ZNF350: variants seen among roughly 807,000 people sequenced by gnomAD.
The protein encoded by ZNF350 is KRAB zinc finger protein ZFQR.
In ZNF350, 5 loss-of-function variants were observed where a neutral mutation model predicts 13.1. That is an observed-to-expected ratio of 0.38 (90% CI 0.20 to 0.80). The LOEUF (loss-of-function observed/expected upper bound fraction) is 0.80, where lower values mean the gene tolerates loss of function less well. Ranked by LOEUF, ZNF350 falls within the 30% of genes least tolerant of loss-of-function variation. The pLI is 0.43. For synonymous variants in ZNF350, 199 were observed against 224.2 expected, an observed-to-expected ratio of 0.89 and a Z score of 1.00; for missense variants, 534 against 644.2, an observed-to-expected ratio of 0.83 and a Z score of 1.85.
In ZNF350 at chr19:51,964,754, T is replaced by C; in HGVS notation, c.*100A>G. 4 of 1,356,512 alleles carry C rather than the reference T, an allele frequency of 2.9e-6. No individual in the cohort carries two copies. Among genetic ancestry groups the C allele is most frequent in the Non-Finnish European group, 4.0e-6 (4 of 995,100 alleles). The allele number at this position is 1,356,512 out of a possible 1,614,324, so 84.0% of individuals were successfully genotyped here. On this transcript the variant is annotated 3_prime_UTR_variant, in exon 5 of 5. Coordinates refer to ENST00000243644, the MANE Select transcript of ZNF350 (RefSeq NM_021632.4). ...TTAATAGGATGAGTTTATCAGGCTA[T>C]CTCAGCCTTATACATGTTCTCTCAG...
intron 1 of ZNF350, among the ~76,000 whole-genome samples, chr19:51,978,193 A>G (rs1358335005): frequency 6.6e-6 from 1 of 152,200 alleles, no homozygotes; most frequent in East Asian, 1.9e-4. Context: ...ACCCCACTTC[A>G]GGGATGGGTT....
chr19:51,985,205 A>C (rs923975584), intron 1 of ZNF350, among the ~76,000 whole-genome samples: 1 of 152,124 alleles, frequency 6.6e-6, no homozygotes, highest in African/African-American at 2.4e-5. Context: ...CAACCATACC[A>C]AACAGTTTAC....
At chr19:51,968,372 C>A (rs895843773) in intron 4 of ZNF350, 11 of 576,310 alleles carry the variant, frequency 1.9e-5, no homozygotes, top group Admixed American at 9.4e-5. Context: ...ATAAAATAAT[C>A]AGATCTCTGA....
At position 51,965,592 on chromosome 19, in the gene ZNF350, C is replaced by A; in HGVS notation, c.861G>T (p.Glu287Asp). 1 of 1,614,202 alleles carries A rather than the reference C, an allele frequency of 6.2e-7. No homozygotes were observed. Among genetic ancestry groups the A allele is most frequent in the Non-Finnish European group, 8.5e-7 (1 of 1,180,036 alleles). Reference protein sequence around the residue: ...LNIHQKTHTGEKPYICSECGK... With the variant: ...LNIHQKTHTGDKPYICSECGK... ...CACATTCACTGCATATATAGGGTTT[C>A]TCTCCGGTATGTGTTTTCTGATGTA... is the stretch of plus-strand genomic sequence containing the variant. The change falls in exon 5 of 5, where the codon GAG becomes GAT. Residue 287 changes from glutamate (E) to aspartate (D), a missense_variant. Coordinates refer to ENST00000243644, the MANE Select transcript of ZNF350 (RefSeq NM_021632.4).
At chr19:51,978,769 A>G (rs2085960178) in intron 1 of ZNF350, among the ~76,000 whole-genome samples, 1 of 152,166 alleles carries the variant, frequency 6.6e-6, no homozygotes, top group Non-Finnish European at 1.5e-5. Flanking sequence ...ACCTCAATCA[A>G]AACTACATTT....
rs573446364 is a variant in ZNF350, at chr19:51,969,046, C to T, written c.101G>A (p.Arg34Gln). Residue 34 changes from arginine to glutamine, a missense_variant, in exon 3 of 5, where the codon CGG (arginine) becomes CAG (glutamine). Physicochemically the swap from Arg to Gln is conservative, Grantham distance 43 (BLOSUM62 1). Transcript: ENST00000243644. ...GCTGTAGTTCTCCAACATCACATCCCGGTACAGGTCCTTCTGAGCAGCGCC... is the reference window on the plus strand; with the variant it reads ...GCTGTAGTTCTCCAACATCACATCCTGGTACAGGTCCTTCTGAGCAGCGCC... Reference protein sequence around the residue: ...LLGAAQKDLYRDVMLENYSNL... With the variant: ...LLGAAQKDLYQDVMLENYSNL... The T allele has an allele frequency of 4.5e-5, 72 of 1,614,112 alleles. 1 individual carries two copies. The South Asian group carries it at 5.8e-4, about 13-fold the overall frequency.
At chr19:51,970,913 C>T (rs554265902) in intron 2 of ZNF350, among the ~76,000 whole-genome samples, 1 of 152,268 alleles carries the variant, frequency 6.6e-6, no homozygotes, top group South Asian at 2.1e-4. Context: ...CTGACTGCTC[C>T]ACAGAAATCA....
At chr19:51,980,511 T>G (rs1029515775) in intron 1 of ZNF350, among the ~76,000 whole-genome samples, 6 of 152,200 alleles carry the variant, frequency 3.9e-5, no homozygotes, top group Non-Finnish European at 8.8e-5. Flanking sequence ...TACTTCAGAA[T>G]AAAATTAACA....
At chr19:51,974,630 A>G (rs534452934) in intron 1 of ZNF350, 99 bp from the exon 2 acceptor site, 26 of 393,096 alleles carry the variant, frequency 6.6e-5, no homozygotes, top group Non-Finnish European at 1.0e-4. Context: ...AATGCCCCCA[A>G]TATAGTTAAC....
chr19:51,979,676 A>G (rs960970454), intron 1 of ZNF350, among the ~76,000 whole-genome samples: 1 of 152,138 alleles, frequency 6.6e-6, no homozygotes, highest in Non-Finnish European at 1.5e-5. Context: ...AATAGTTCCT[A>G]CCCCACTCTG....
In ZNF350 at chr19:51,965,050, G is replaced by A; in HGVS notation, c.1403C>T (p.Ala468Val). The change falls in exon 5 of 5, where the codon GCC becomes GTC. Residue 468 changes from alanine to valine, a missense_variant. Transcript: ENST00000243644. Reference protein sequence around the residue: ...NGATTQVPSVAPQTSLNISGL... With the variant: ...NGATTQVPSVVPQTSLNISGL... Reference sequence around the variant, plus strand: ...GCTGATGTTTAATGATGTCTGAGGGGCCACAGAAGGCACTTGTGTAGTCGC... The same window carrying A: ...GCTGATGTTTAATGATGTCTGAGGGACCACAGAAGGCACTTGTGTAGTCGC... The A allele has an allele frequency of 6.2e-7, 1 of 1,614,138 alleles. No individual in the cohort carries two copies. Among genetic ancestry groups the A allele is most frequent in the Non-Finnish European group, 8.5e-7 (1 of 1,180,014 alleles).
Position 51,964,773 on chromosome 19 carries a change from C to T in ZNF350, c.*81G>A. 6.8e-7 allele frequency: 1 copy of T among 1,464,886 alleles called. No individual in the cohort carries two copies. The highest frequency in any genetic ancestry group is 9.2e-7 in the Non-Finnish European group (1 of 1,081,418). The allele number at this position is 1,464,886 out of a possible 1,614,324, so 90.7% of individuals were successfully genotyped here. ...AGGCTATCTCAGCCTTATACATGTT[C>T]TCTCAGTGTATGCTTTTCGGCCACA... On this transcript the variant is annotated 3_prime_UTR_variant, in exon 5 of 5. Coordinates refer to ENST00000243644, the MANE Select transcript of ZNF350 (RefSeq NM_021632.4).
intron 2 of ZNF350, among the ~76,000 whole-genome samples, chr19:51,970,265 G>C (rs1017156365): frequency 6.6e-6 from 1 of 151,982 alleles, no homozygotes; most frequent in Admixed American, 6.6e-5. Context: ...GTTTCACTAT[G>C]TTGGCCAGGC....
At chr19:51,968,456 C>A (rs530874916) in intron 4 of ZNF350, 122 bp downstream of exon 4, 3 of 858,242 alleles carry the variant, frequency 3.5e-6, no homozygotes, top group Non-Finnish European at 5.9e-6. Flanking sequence ...TGGTCTCACA[C>A]TGGGAGACAG....
chr19:51,979,133 G>A (rs952844999), intron 1 of ZNF350, among the ~76,000 whole-genome samples: 6 of 152,144 alleles, frequency 3.9e-5, no homozygotes, highest in Non-Finnish European at 8.8e-5. Flanking sequence ...CCAGAGTCAT[G>A]ATGACATCAA....
At chr19:51,986,301 C>A (rs1236944614) in intron 1 of ZNF350, among the ~76,000 whole-genome samples, 2 of 152,116 alleles carry the variant, frequency 1.3e-5, no homozygotes, top group Non-Finnish European at 2.9e-5. Flanking sequence ...TCCAAAGTCT[C>A]GAAAGCTTCA....
rs968301207 is a variant in ZNF350, at chr19:51,974,431, G to A, written c.-71C>T. 1.3e-6 allele frequency: 2 copies of A among 1,573,406 alleles called. No homozygotes were observed. Among genetic ancestry groups the A allele is most frequent in the Admixed American group, 3.5e-5 (2 of 56,984 alleles). ...TTTGTATCTTCTGGCCTTCTCTTCA[G>A]AAGTCTCAGTTTTCAATCAAGTGTG... On this transcript the variant is annotated 5_prime_UTR_variant, in exon 2 of 5. Transcript: ENST00000243644.
intron 1 of ZNF350, among the ~76,000 whole-genome samples, chr19:51,986,230 G>A (rs1437571746): frequency 6.6e-6 from 1 of 151,936 alleles, no homozygotes; most frequent in African/African-American, 2.4e-5. Flanking sequence ...ACTAATGCTG[G>A]GGGCTGTGTC....
At position 51,968,620 on chromosome 19, in the gene ZNF350, GTT is replaced by G; in HGVS notation, c.194_195del (p.Gln65ProfsTer5). On this transcript the variant is annotated frameshift_variant, in exon 4 of 5. Coordinates refer to ENST00000243644, the MANE Select transcript of ZNF350 (RefSeq NM_021632.4). LOFTEE classifies it low-confidence loss of function (END_TRUNC). The part of the protein sequence containing the change: ...DALFKLEQGE[Q>X]LWTIEDGIHS... Reference sequence around the variant, plus strand: ...TGGATTCCATCTTCAATTGTCCACAGTTGTTCTCCTTGTTCCAACTTGAAGAG... The same window carrying G: ...TGGATTCCATCTTCAATTGTCCACAGGTTCTCCTTGTTCCAACTTGAAGAG... 6.2e-7 allele frequency: 1 copy of G among 1,614,094 alleles called. No homozygotes were observed. Among genetic ancestry groups the G allele is most frequent in the East Asian group, 2.2e-5 (1 of 44,866 alleles).
Sources: gnomAD v4.1 joint callset for allele counts (sites outside exome capture counted in the v4.1 genomes callset) on GRCh38, gnomAD v4.1.1 for gene constraint, MANE v1.5 for transcripts, NCBI Gene and HGNC (gene_info 2026-07-23, HGNC 2026-07-21) for gene names.